The following ANKS1B variants were observed in gnomAD, a reference collection of about 807,000 sequenced individuals.
ANKS1B encodes the protein ankyrin repeat and sterile alpha motif domain-containing protein 1B.
ANKS1B carries 36 observed loss-of-function variants against 148.3 expected under a neutral mutation model. That is an observed-to-expected ratio of 0.24 (90% CI 0.19 to 0.32). The LOEUF (loss-of-function observed/expected upper bound fraction) is 0.32. Ranked by LOEUF, ANKS1B falls within the 10% of genes least tolerant of loss-of-function variation. ANKS1B has a pLI of 1.00. For missense variants in ANKS1B, 1,157 were observed against 1,542.6 expected, an observed-to-expected ratio of 0.75 and a Z score of 4.19; for synonymous variants, 542 against 560.8, an observed-to-expected ratio of 0.97 and a Z score of 0.47.
intron 9 of ANKS1B, among the ~76,000 whole-genome samples, chr12:99,614,096 C>G: frequency 6.6e-6 from 1 of 151,808 alleles, no homozygotes; most frequent in East Asian, 1.9e-4. Context: ...CAACGTCTCT[C>G]AGATTATCTT....
intron 22 of ANKS1B, chr12:98,795,542 G>C: frequency 2.4e-6 from 1 of 414,448 alleles, no homozygotes; most frequent in Non-Finnish European, 4.7e-6. Flanking sequence ...TCTAGAAGCA[G>C]AGGAATCCCA....
intron 15 of ANKS1B, among the ~76,000 whole-genome samples, chr12:99,094,309 A>G (rs1015551735): frequency 6.6e-6 from 1 of 152,234 alleles, no homozygotes; most frequent in Non-Finnish European, 1.5e-5. Flanking sequence ...AGTAGGGACT[A>G]TTAAGCACTT....
At chr12:98,908,269 T>C (rs777508937) in intron 17 of ANKS1B, among the ~76,000 whole-genome samples, 3 of 152,224 alleles carry the variant, frequency 2.0e-5, no homozygotes, top group Non-Finnish European at 2.9e-5. Context: ...GCCAGACCTG[T>C]AGTTGACATT....
At chr12:99,211,906 G>A (rs1349831566) in intron 14 of ANKS1B, among the ~76,000 whole-genome samples, 1 of 152,182 alleles carries the variant, frequency 6.6e-6, no homozygotes, top group Non-Finnish European at 1.5e-5. Context: ...ACCTCTTGGT[G>A]AAGTGACAAG....
chr12:99,017,168 T>C (rs146658519), intron 17 of ANKS1B, among the ~76,000 whole-genome samples: 5 of 152,348 alleles, frequency 3.3e-5, no homozygotes, highest in South Asian at 2.1e-4. Context: ...TCTAACATAG[T>C]TGACTCCATC....
At chr12:99,627,155 T>C (rs1598382424) in intron 9 of ANKS1B, among the ~76,000 whole-genome samples, 1 of 152,200 alleles carries the variant, frequency 6.6e-6, no homozygotes. Context: ...ATATTTTTGC[T>C]GCTATAGCAA....
intron 11 of ANKS1B, among the ~76,000 whole-genome samples, chr12:99,433,854 C>T (rs1006478853): frequency 2.6e-5 from 4 of 152,066 alleles, no homozygotes; most frequent in African/African-American, 9.7e-5. Context: ...CAATGAACTC[C>T]ATCAGTGAAA....
chr12:99,633,388 G>A (rs924637294), intron 9 of ANKS1B, among the ~76,000 whole-genome samples: 6 of 152,064 alleles, frequency 3.9e-5, no homozygotes, highest in Middle Eastern at 3.2e-3. Flanking sequence ...AATGGGGAAA[G>A]GATTCCCTAT....
At chr12:99,109,663 G>A (rs1423770038) in intron 15 of ANKS1B, among the ~76,000 whole-genome samples, 1 of 152,118 alleles carries the variant, frequency 6.6e-6, no homozygotes, top group Admixed American at 6.5e-5. Flanking sequence ...CTTTAAAAAG[G>A]AAAAGCTGAG....
At chr12:99,815,953 A>C (rs887088189) in intron 2 of ANKS1B, among the ~76,000 whole-genome samples, 11 of 151,764 alleles carry the variant, frequency 7.2e-5, no homozygotes, top group African/African-American at 2.7e-4. Flanking sequence ...ACATGTGTGC[A>C]TGTGTCTTTT....
chr12:99,921,285 CTT>C (rs1439109886), intron 1 of ANKS1B, among the ~76,000 whole-genome samples: 3 of 152,054 alleles, frequency 2.0e-5, no homozygotes, highest in Non-Finnish European at 4.4e-5. Flanking sequence ...ATAAGGGGCT[CTT>C]CCCCCTTTGC....
At chr12:99,336,435 T>G (rs1482024696) in intron 12 of ANKS1B, among the ~76,000 whole-genome samples, 1 of 152,152 alleles carries the variant, frequency 6.6e-6, no homozygotes, top group Non-Finnish European at 1.5e-5. Flanking sequence ...TTTCAACAAA[T>G]CTCTGCCCAG....
intron 9 of ANKS1B, among the ~76,000 whole-genome samples, chr12:99,614,570 A>G (rs2097934162): frequency 6.6e-6 from 1 of 150,774 alleles, no homozygotes; most frequent in South Asian, 2.1e-4. Flanking sequence ...AAAAAAAAAA[A>G]GAATTCTCAG....
intron 9 of ANKS1B, among the ~76,000 whole-genome samples, chr12:99,591,478 T>G (rs2097702677): frequency 6.6e-6 from 1 of 152,110 alleles, no homozygotes; most frequent in African/African-American, 2.4e-5. Flanking sequence ...ATATTTGTGG[T>G]GAAGCTTACT....
chr12:98,909,315 G>A (rs2099783598), intron 17 of ANKS1B, among the ~76,000 whole-genome samples: 1 of 152,206 alleles, frequency 6.6e-6, no homozygotes, highest in Admixed American at 6.5e-5. Context: ...TGAAGGAGAT[G>A]AATATGCTTT....
At chr12:99,170,462 C>A (rs190017222) in intron 14 of ANKS1B, among the ~76,000 whole-genome samples, 41 of 152,194 alleles carry the variant, frequency 2.7e-4, no homozygotes, top group African/African-American at 8.7e-4. Flanking sequence ...CCATCTATCT[C>A]ATGGTTTTAT....
intron 20 of ANKS1B, among the ~76,000 whole-genome samples, chr12:98,802,741 G>A (rs1454057025): frequency 1.3e-5 from 2 of 151,026 alleles, no homozygotes; most frequent in East Asian, 3.9e-4. Flanking sequence ...GTTAGTGTGT[G>A]ACTAGTTGGA....
chr12:99,320,995 C>T (rs2085153278), intron 12 of ANKS1B, among the ~76,000 whole-genome samples: 1 of 152,148 alleles, frequency 6.6e-6, no homozygotes, highest in Non-Finnish European at 1.5e-5. Flanking sequence ...GCCTGAGTAT[C>T]CCCAGCGGAG....
At chr12:98,906,903 A>G (rs143296881) in intron 17 of ANKS1B, among the ~76,000 whole-genome samples, 8 of 152,224 alleles carry the variant, frequency 5.3e-5, no homozygotes, top group African/African-American at 1.7e-4. Flanking sequence ...GTACACCTGT[A>G]TGTATTCAAG....
Sources: allele counts gnomAD v4.1 joint callset (sites outside exome capture counted in the v4.1 genomes callset), GRCh38; gene constraint gnomAD v4.1.1; transcripts MANE v1.5; gene names NCBI Gene and HGNC (gene_info 2026-07-23, HGNC 2026-07-21).